The following ELSPBP1 variants were observed in gnomAD, a reference collection of about 807,000 sequenced individuals.
ELSPBP1 encodes the protein epididymal sperm binding protein 1.
In ELSPBP1, 38 loss-of-function variants were observed where a neutral mutation model predicts 33.3. The observed-to-expected ratio is 1.14, with a 90% confidence interval of 0.88 to 1.50. The LOEUF (loss-of-function observed/expected upper bound fraction) is 1.50, where lower values mean the gene tolerates loss of function less well. Among genes scored for constraint, ELSPBP1 ranks in the 40% most tolerant of loss-of-function variants. ELSPBP1 has a pLI of 0.00. For synonymous variants in ELSPBP1, 85 were observed against 94.1 expected (o/e 0.90, Z 0.56); for missense variants, 267 against 263.5 (o/e 1.01, Z -0.09).
At chr19:48,001,436 C>T (rs907798071) in intron 1 of ELSPBP1, among the ~76,000 whole-genome samples, 3 of 152,036 alleles carry the variant, frequency 2.0e-5, no homozygotes, top group East Asian at 1.9e-4. Context: ...GTGATCCACC[C>T]GCCTCGGCAT....
intron 2 of ELSPBP1, among the ~76,000 whole-genome samples, chr19:48,012,275 C>G (rs776224738): frequency 6.3e-4 from 96 of 151,458 alleles, no homozygotes; most frequent in Non-Finnish European, 1.0e-3. Flanking sequence ...AGGGGCACAC[C>G]ACCATGCCCG....
intron 6 of ELSPBP1, among the ~76,000 whole-genome samples, chr19:48,024,616 G>C (rs1051758961): frequency 6.6e-6 from 1 of 152,124 alleles, no homozygotes; most frequent in Non-Finnish European, 1.5e-5. Flanking sequence ...ATCTTAACAG[G>C]GTAGATATTA....
chr19:47,995,928 G>A (rs770069123), intron 1 of ELSPBP1, among the ~76,000 whole-genome samples: 7 of 152,180 alleles, frequency 4.6e-5, no homozygotes, highest in South Asian at 2.1e-4. Flanking sequence ...TTAAGAGAAC[G>A]AGAGGGCAGA....
In ELSPBP1 at chr19:47,994,770, A is replaced by G. The variant is rs1966898209; in HGVS notation, c.-59A>G. The G allele has an allele frequency of 6.6e-6, 1 of 152,182 alleles. No homozygotes were observed. Among genetic ancestry groups the G allele is most frequent in the Non-Finnish European group, 1.5e-5 (1 of 68,048 alleles). 9.4% of individuals were successfully genotyped at this position (152,182 alleles called of 1,614,324 possible). Reference sequence around the variant, plus strand: ...CTCTTGGGAGCAGAACCTTAAAGAGAGATCGTGGAGAGAGCCAGGGCCCAG... The same window carrying G: ...CTCTTGGGAGCAGAACCTTAAAGAGGGATCGTGGAGAGAGCCAGGGCCCAG... On this transcript the variant is annotated 5_prime_UTR_variant, in exon 1 of 7. Transcript: ENST00000339841.
intron 1 of ELSPBP1, among the ~76,000 whole-genome samples, chr19:48,001,290 C>G (rs1205512441): frequency 6.6e-6 from 1 of 151,798 alleles, no homozygotes; most frequent in East Asian, 1.9e-4. Flanking sequence ...CCTGCCTCAG[C>G]CTCCTGAGTA....
At position 47,995,224 on chromosome 19, in the gene ELSPBP1, AAAGT is replaced by A. The variant is rs541093780; in HGVS notation, c.-18+415_-18+418del. Among the ~76,000 whole-genome samples the A allele has an allele frequency of 3.9e-3, 592 of 152,268 alleles. 1 individual carries two copies. The highest frequency in any genetic ancestry group is 0.014 in the African/African-American group (565 of 41,558). ...TGGTTCTGGAAGGGGACAGCCAGAG[AAAGT>A]AGGGAAGGTGGTCTTGTGGGTGAGG... On this transcript the variant is annotated intron_variant, in intron 1 of 6. Coordinates refer to ENST00000339841, the MANE Select transcript of ELSPBP1 (RefSeq NM_022142.5).
At chr19:48,015,110 G>A (rs146941776) in intron 3 of ELSPBP1, among the ~76,000 whole-genome samples, 3,005 of 152,164 alleles carry the variant, frequency 0.02, 50 homozygotes, top group Middle Eastern at 0.048. Context: ...ATTATATACC[G>A]TATCTCATAA....
chr19:48,016,926 A>G (rs1013822403), intron 4 of ELSPBP1, among the ~76,000 whole-genome samples: 1 of 152,138 alleles, frequency 6.6e-6, no homozygotes, highest in Non-Finnish European at 1.5e-5. Flanking sequence ...GCAGCCTAAC[A>G]TCATATTAAG....
At chr19:48,004,978 C>T (rs1278230414) in intron 1 of ELSPBP1, among the ~76,000 whole-genome samples, 1 of 152,160 alleles carries the variant, frequency 6.6e-6, no homozygotes, top group Non-Finnish European at 1.5e-5. Context: ...AGGAGGATGG[C>T]TTGGGCTCAG....
chr19:48,001,165 C>T (rs973113350), intron 1 of ELSPBP1, among the ~76,000 whole-genome samples: 5 of 147,856 alleles, frequency 3.4e-5, no homozygotes, highest in African/African-American at 1.3e-4. Flanking sequence ...ACTCTCCTGC[C>T]TCTCTCTCTG....
rs773990420 is a variant in ELSPBP1, at chr19:48,022,210, G to A, written c.555G>A (p.Pro185=). ...ALVPGFPCHF[P]FNYKNKNYFN... ...TCCCTGGCTTTCCTTGTCACTTTCC[G>A]TTCAACTATAAAAACAAGAATTATT... The change falls in exon 6 of 7, where the codon CCG becomes CCA. Residue 185 remains proline (P), a synonymous_variant. Transcript: ENST00000339841. 27 of 1,613,392 alleles carry A rather than the reference G, an allele frequency of 1.7e-5. No homozygotes were observed. The highest frequency in any genetic ancestry group is 2.2e-5 in the East Asian group (1 of 44,874).
chr19:47,998,612 C>G (rs1966935261), intron 1 of ELSPBP1, among the ~76,000 whole-genome samples: 1 of 151,926 alleles, frequency 6.6e-6, no homozygotes, highest in South Asian at 2.1e-4. Flanking sequence ...CAGTGAAACC[C>G]CGTCTTTACT....
chr19:48,011,809 G>A lies in ELSPBP1; in HGVS notation c.71-2362G>A, dbSNP rs148198303. Among the ~76,000 whole-genome samples the A allele has an allele frequency of 3.7e-4, 56 of 152,254 alleles. No homozygotes were observed. The highest frequency in any genetic ancestry group is 1.3e-3 in the African/African-American group (53 of 41,550). ...GATGATGATGACAATGATAATCATA[G>A]CTAATATTTATTAAGCAGCAGCCAT... On this transcript the variant is annotated intron_variant, in intron 2 of 6. Coordinates refer to ENST00000339841, the MANE Select transcript of ELSPBP1 (RefSeq NM_022142.5). The surrounding 1 kb of genome is among the most constrained non-coding windows in gnomAD (Gnocchi z 4.5).
rs949910569 is a variant in ELSPBP1, at chr19:47,995,592, G to A, written c.-18+781G>A. Reference sequence around the variant, plus strand: ...TGTAATAGAAGAGGTGTGTGTGTGCGCCTAGAGGTGGAGGGAAGGCTTACA... The same window carrying A: ...TGTAATAGAAGAGGTGTGTGTGTGCACCTAGAGGTGGAGGGAAGGCTTACA... On this transcript the variant is annotated intron_variant, in intron 1 of 6. Transcript: ENST00000339841. 6.6e-5 allele frequency among the ~76,000 whole-genome samples: 10 copies of A among 152,288 alleles called. No individual in the cohort carries two copies. The East Asian group carries it at 1.3e-3, about 21-fold the overall frequency.
intron 4 of ELSPBP1, among the ~76,000 whole-genome samples, chr19:48,016,480 C>A (rs866436379): frequency 1.5e-5 from 1 of 68,756 alleles, no homozygotes; most frequent in Non-Finnish European, 2.7e-5. Flanking sequence ...TTCTTTCTTT[C>A]TTTCTTTCTT....
intron 1 of ELSPBP1, among the ~76,000 whole-genome samples, chr19:47,996,627 G>A (rs1568401988): frequency 6.6e-6 from 1 of 151,932 alleles, no homozygotes; most frequent in Admixed American, 6.6e-5. Flanking sequence ...GTAAGAATGG[G>A]TGGAAGGATA....
At chr19:48,002,902 A>G (rs1326624292) in intron 1 of ELSPBP1, among the ~76,000 whole-genome samples, 2 of 152,198 alleles carry the variant, frequency 1.3e-5, no homozygotes, top group East Asian at 3.8e-4. Flanking sequence ...CATCTGCTGC[A>G]TGTATAAGAT....
chr19:48,001,046 C>T lies in ELSPBP1; in HGVS notation c.-18+6235C>T, dbSNP rs568240939. ...CTTCTGGAGGCTGTAGGGAAGAATC[C>T]GCTTCCTGGCTTCTTCCAGCTTCTA... is the stretch of plus-strand genomic sequence containing the variant. On this transcript the variant is annotated intron_variant, in intron 1 of 6. Coordinates refer to ENST00000339841, the MANE Select transcript of ELSPBP1 (RefSeq NM_022142.5). Among the ~76,000 whole-genome samples the T allele has an allele frequency of 7.2e-5, 11 of 152,234 alleles. No individual in the cohort carries two copies. The South Asian group carries it at 1.0e-3, about 14-fold the overall frequency.
chr19:48,000,502 G>A (rs970060359), intron 1 of ELSPBP1, among the ~76,000 whole-genome samples: 2 of 152,146 alleles, frequency 1.3e-5, no homozygotes, highest in African/African-American at 4.8e-5. Context: ...GCCTCCCAAA[G>A]TGCCGGGATT....
Sources: gnomAD v4.1 joint callset for allele counts (sites outside exome capture counted in the v4.1 genomes callset) on GRCh38, gnomAD v4.1.1 for gene constraint, Gnocchi (gnomAD v3.1) non-coding constraint, MANE v1.5 for transcripts, NCBI Gene and HGNC (gene_info 2026-07-23, HGNC 2026-07-21) for gene names.